CNPY4: variants seen among roughly 807,000 people sequenced by gnomAD.
The protein encoded by CNPY4 is canopy FGF signaling regulator 4, also known as protein canopy homolog 4.
CNPY4 carries 33 observed loss-of-function variants against 30.1 expected under a neutral mutation model. That is an observed-to-expected ratio of 1.10 (90% confidence interval 0.83 to 1.46). The LOEUF (loss-of-function observed/expected upper bound fraction) is 1.46. CNPY4 is among the 40% of genes most tolerant of loss of function. The probability of loss-of-function intolerance (pLI) is 0.00; values close to 1 mark genes in which losing one functional copy is unlikely to be tolerated. For synonymous variants in CNPY4, 109 were observed against 110.1 expected (o/e 0.99, Z 0.06); for missense variants, 324 against 302.6 (o/e 1.07, Z -0.52).
chr7:100,122,173 T>G, intron 1 of CNPY4, 86 bp from the exon 2 acceptor site: 1 of 1,550,404 alleles, frequency 6.4e-7, no homozygotes, highest in African/African-American at 1.4e-5. Context: ...TGCACTTGTA[T>G]GCTCTGCTGC....
intron 1 of CNPY4, chr7:100,121,112 A>ATTTTTTT (rs1798040006): frequency 4.6e-4 from 14 of 30,710 alleles, no homozygotes; most frequent in East Asian, 1.1e-3. Flanking sequence ...ATATATATAT[A>ATTTTTTT]TATATTTTTT....
At position 100,122,351 on chromosome 7, in the gene CNPY4, G is replaced by C; in HGVS notation, c.211G>C (p.Gly71Arg). ...VLELGQVLDT[G>R]KRKRHVPYSV... ...GGAGCTGGGGCAGGTGCTGGATACA[G>C]GCAAGAGGAAGAGACACGTGCCTTA... is the stretch of plus-strand genomic sequence containing the variant. Residue 71 changes from glycine (G) to arginine (R), a missense_variant, in exon 2 of 6, where the codon GGC becomes CGC. Gly to Arg is a moderately radical substitution (Grantham distance 125, BLOSUM62 -2). Coordinates refer to ENST00000262932, the MANE Select transcript of CNPY4 (RefSeq NM_152755.2). The C allele has an allele frequency of 6.2e-7, 1 of 1,613,702 alleles. No individual in the cohort carries two copies.
At chr7:100,122,426 A>C in intron 2 of CNPY4, 41 bp downstream of exon 2, 1 of 1,614,002 alleles carries the variant, frequency 6.2e-7, no homozygotes, top group South Asian at 1.1e-5. Flanking sequence ...CCCCCAACGG[A>C]GCCCTGGGAG....
chr7:100,120,165 G>A (rs963218084), intron 1 of CNPY4: 4 of 276,790 alleles, frequency 1.4e-5, no homozygotes, highest in South Asian at 5.1e-5. Context: ...AGCATCTTCA[G>A]TGAGTGTTTA....
intron 4 of CNPY4, 91 bp downstream of exon 4, chr7:100,122,997 C>G (rs1393391376): frequency 3.5e-6 from 5 of 1,408,798 alleles, no homozygotes; most frequent in Non-Finnish European, 4.8e-6. Flanking sequence ...GGATGTCTAC[C>G]CCTAAGCATG....
At chr7:100,120,802 TGGGA>T (rs1484260422) in intron 1 of CNPY4, among the ~76,000 whole-genome samples, 6 of 151,968 alleles carry the variant, frequency 3.9e-5, no homozygotes, top group Admixed American at 3.3e-4. Flanking sequence ...AAGGCCAAGG[TGGGA>T]GGATCACTTG....
chr7:100,120,082 GA>G (rs946545974), intron 1 of CNPY4: 1 of 450,814 alleles, frequency 2.2e-6, no homozygotes, highest in Non-Finnish European at 3.9e-6. Flanking sequence ...GGCTGGCTTG[GA>G]ACCCCCCGCC....
In CNPY4 at chr7:100,122,907, G is replaced by A; in HGVS notation, c.465+1G>A. The A allele has an allele frequency of 6.2e-7, 1 of 1,611,960 alleles. No homozygotes were observed. Among genetic ancestry groups the A allele is most frequent in the Non-Finnish European group, 8.5e-7 (1 of 1,179,094 alleles). On this transcript the variant is annotated splice_donor_variant, in intron 4 of 5. Coordinates refer to ENST00000262932, the MANE Select transcript of CNPY4 (RefSeq NM_152755.2). LOFTEE classifies it high-confidence loss of function. Reference sequence around the variant, plus strand: ...GGAGGTCACATACCTCAAGAAGCAGGTAGGATAAGACACTGCACCATCCAG... The same window carrying A: ...GGAGGTCACATACCTCAAGAAGCAGATAGGATAAGACACTGCACCATCCAG...
At chr7:100,124,413 C>T (rs1798159738) in intron 4 of CNPY4, 101 bp from the exon 5 acceptor site, 10 of 872,044 alleles carry the variant, frequency 1.1e-5, no homozygotes. Flanking sequence ...TTCCTGGCTA[C>T]CTGCCTCTCC....
intron 1 of CNPY4, chr7:100,121,117 T>TATATATATATATA (rs1491228284): frequency 5.1e-4 from 18 of 35,124 alleles, no homozygotes; most frequent in South Asian, 1.3e-3. Flanking sequence ...TATATATATA[T>TATATATATATATA]TTTTTTTTTT....
Position 100,125,148 on chromosome 7 carries a change from G to A in CNPY4, c.*260G>A. 1 of 430,448 alleles carries A rather than the reference G, an allele frequency of 2.3e-6. No individual in the cohort carries two copies. The highest frequency in any genetic ancestry group is 4.1e-6 in the Non-Finnish European group (1 of 242,736). 26.7% of individuals were successfully genotyped at this position (430,448 alleles called of 1,614,324 possible). A position where few individuals can be genotyped will look rare whatever the true frequency, so the allele number is the denominator to read the frequency against. On this transcript the variant is annotated 3_prime_UTR_variant, in exon 6 of 6. Coordinates refer to ENST00000262932, the MANE Select transcript of CNPY4 (RefSeq NM_152755.2). The stretch of plus-strand genomic sequence containing the variant: ...TAATTGGCAGGTGTATGTGCTGACA[G>A]TACTGAAAGCTTTCCTCTTTAACTG...
intron 1 of CNPY4, 63 bp downstream of exon 1, chr7:100,119,925 C>T: frequency 1.4e-6 from 2 of 1,463,850 alleles, no homozygotes; most frequent in African/African-American, 2.8e-5. Context: ...CTAGGCCGGA[C>T]ATCCTAGCCT....
In CNPY4 at chr7:100,119,726, T is replaced by C. The variant is rs1239479172; in HGVS notation, c.-19T>C. 3.1e-6 allele frequency: 5 copies of C among 1,613,986 alleles called. No individual in the cohort carries two copies. The highest frequency in any genetic ancestry group is 3.4e-6 in the Non-Finnish European group (4 of 1,179,992). On this transcript the variant is annotated 5_prime_UTR_variant, in exon 1 of 6. Transcript: ENST00000262932. The stretch of plus-strand genomic sequence containing the variant: ...GAAGTTGAAGGCAAGCGGTGATTGT[T>C]TGTAGACGGCGCTTTGTCATGGGAC...
At chr7:100,122,608 T>C in intron 3 of CNPY4, 31 bp downstream of exon 3, 11 of 1,562,568 alleles carry the variant, frequency 7.0e-6, no homozygotes, top group Non-Finnish European at 9.6e-6. Context: ...AGGACCCCAC[T>C]TCTCAGATAC....
chr7:100,124,478 A>G (rs749647429), intron 4 of CNPY4, 36 bp from the exon 5 acceptor site: 1 of 1,516,088 alleles, frequency 6.6e-7, no homozygotes, highest in South Asian at 1.1e-5. Flanking sequence ...AAATCCCTCC[A>G]GAGCAGATAC....
At chr7:100,123,500 T>C (rs1431397171) in intron 4 of CNPY4, among the ~76,000 whole-genome samples, 1 of 152,100 alleles carries the variant, frequency 6.6e-6, no homozygotes, top group Non-Finnish European at 1.5e-5. Context: ...GACCCCCTTC[T>C]CTACAAATAA....
At position 100,125,054 on chromosome 7, in the gene CNPY4, G is replaced by A; in HGVS notation, c.*166G>A. 4.0e-6 allele frequency: 3 copies of A among 758,122 alleles called. No homozygotes were observed. Among genetic ancestry groups the A allele is most frequent in the Non-Finnish European group, 6.2e-6 (3 of 481,872 alleles). 47.0% of individuals were successfully genotyped at this position (758,122 alleles called of 1,614,324 possible). On this transcript the variant is annotated 3_prime_UTR_variant, in exon 6 of 6. Transcript: ENST00000262932. Reference sequence around the variant, plus strand: ...AGGCAAGATCCTGGTGAAACAGCATGACATGGCTTCTGGGGTGGAGGGTGG... The same window carrying A: ...AGGCAAGATCCTGGTGAAACAGCATAACATGGCTTCTGGGGTGGAGGGTGG...
chr7:100,122,305 C>A lies in CNPY4; in HGVS notation c.165C>A (p.Thr55=), dbSNP rs143338443. The A allele has an allele frequency of 5.0e-6, 8 of 1,613,950 alleles. No homozygotes were observed. The highest frequency in any genetic ancestry group is 1.7e-5 in the Admixed American group (1 of 59,978). The change falls in exon 2 of 6, where the codon ACC becomes ACA. Residue 55 remains threonine (T), a synonymous_variant. Transcript: ENST00000262932. The part of the protein sequence containing the change: ...STELQAELSR[T]GRSREVLELG... The stretch of plus-strand genomic sequence containing the variant: ...AGCTACAGGCGGAACTGAGTCGCAC[C>A]GGTCGATCTCGAGAGGTGCTGGAGC...
At chr7:100,124,461 G>T in intron 4 of CNPY4, 53 bp from the exon 5 acceptor site, 1 of 1,403,120 alleles carries the variant, frequency 7.1e-7, no homozygotes, top group Admixed American at 1.7e-5. Flanking sequence ...AAGACAGGCG[G>T]GATCCCAAAT....
Sources: gnomAD v4.1 joint callset for allele counts (sites outside exome capture counted in the v4.1 genomes callset) on GRCh38, gnomAD v4.1.1 for gene constraint, MANE v1.5 for transcripts, NCBI Gene and HGNC (gene_info 2026-07-23, HGNC 2026-07-21) for gene names.